The following PLCH1 variants were observed in gnomAD, a reference collection of about 807,000 sequenced individuals.
PLCH1 encodes the protein 1-phosphatidylinositol 4,5-bisphosphate phosphodiesterase eta-1.
In PLCH1, 60 loss-of-function variants were observed where a neutral mutation model predicts 126.7. The observed-to-expected ratio is 0.47, with a 90% CI of 0.38 to 0.59. The LOEUF is 0.59. PLCH1 is among the 20% of genes least tolerant of loss of function. The probability of loss-of-function intolerance (pLI) is 0.00; values close to 1 mark genes in which losing one functional copy is unlikely to be tolerated. For missense variants in PLCH1, 1,723 were observed against 2,040.0 expected, an observed-to-expected ratio of 0.84 and a Z score of 2.99; for synonymous variants, 719 against 734.9, an observed-to-expected ratio of 0.98 and a Z score of 0.35.
chr3:155,603,934 C>T (rs774879468), intron 2 of PLCH1, among the ~76,000 whole-genome samples: 1 of 151,888 alleles, frequency 6.6e-6, no homozygotes, highest in Non-Finnish European at 1.5e-5. Flanking sequence ...CTGGTCTCTA[C>T]AAAAAATTTA....
At chr3:155,526,486 T>A (rs56831389) in intron 10 of PLCH1, among the ~76,000 whole-genome samples, 19,865 of 85,838 alleles carry the variant, frequency 0.23, 1,507 homozygotes, top group Non-Finnish European at 0.27. Context: ...TCTCTCTCTC[T>A]CATACACACA....
At chr3:155,567,154 C>A (rs1395047587) in intron 7 of PLCH1, among the ~76,000 whole-genome samples, 1 of 152,104 alleles carries the variant, frequency 6.6e-6, no homozygotes, top group Non-Finnish European at 1.5e-5. Flanking sequence ...CTCACTGCAA[C>A]CTCCACCTCC....
chr3:155,585,032 G>A (rs1035179944), intron 5 of PLCH1, among the ~76,000 whole-genome samples: 5 of 152,102 alleles, frequency 3.3e-5, no homozygotes, highest in Non-Finnish European at 7.4e-5. Context: ...GCCCTCCAAA[G>A]TCCCTCACTC....
downstream of PLCH1, among the ~76,000 whole-genome samples, chr3:155,477,524 A>G (rs984479160): frequency 1.3e-5 from 2 of 152,200 alleles, no homozygotes; most frequent in African/African-American, 4.8e-5. Flanking sequence ...ACCAGAATAT[A>G]TAAGGAACTC....
chr3:155,663,870 T>G (rs1742447260), intron 2 of PLCH1, among the ~76,000 whole-genome samples: 2 of 152,150 alleles, frequency 1.3e-5, no homozygotes, highest in Non-Finnish European at 2.9e-5. Context: ...TTTGCACCAC[T>G]ATTGTTTAGG....
rs553496292 is a variant in PLCH1, at chr3:155,693,802, C to T, written c.79+10344G>A. ...AAAATTAACCAGGCATGGTGGTGTG[C>T]ACCTGTAATCCCAGCTCCTTGAGAG... is the stretch of plus-strand genomic sequence containing the variant. On this transcript the variant is annotated intron_variant, in intron 2 of 22. Coordinates refer to ENST00000460012, the MANE Select transcript of PLCH1 (RefSeq NM_014996.4). Among the ~76,000 whole-genome samples, 28 of 152,112 alleles carry T rather than the reference C, an allele frequency of 1.8e-4. 1 individual carries two copies. The South Asian group carries it at 5.4e-3, about 29-fold the overall frequency.
At chr3:155,557,696 C>G (rs1366134125) in intron 8 of PLCH1, among the ~76,000 whole-genome samples, 1 of 152,102 alleles carries the variant, frequency 6.6e-6, no homozygotes, top group Non-Finnish European at 1.5e-5. Context: ...GTCCAATTCC[C>G]CTGCTCATAA....
chr3:155,473,411 C>T (rs1204628727), intron 21 of PLCH1, among the ~76,000 whole-genome samples: 1 of 152,168 alleles, frequency 6.6e-6, no homozygotes, highest in Admixed American at 6.5e-5. Context: ...AACTGCTGCT[C>T]AAGGAAATAA....
At chr3:155,529,334 G>A (rs942149891) in intron 10 of PLCH1, among the ~76,000 whole-genome samples, 2 of 151,976 alleles carry the variant, frequency 1.3e-5, no homozygotes, top group South Asian at 4.2e-4. Flanking sequence ...CAGGAACCTT[G>A]AACCACACAG....
intron 11 of PLCH1, 87 bp from the exon 12 acceptor site, chr3:155,514,971 A>ATAAT: frequency 1.2e-6 from 1 of 803,232 alleles, no homozygotes; most frequent in East Asian, 2.8e-5. Context: ...AATTGCTTCT[A>ATAAT]TAATTTCACT....
downstream of PLCH1, among the ~76,000 whole-genome samples, chr3:155,478,643 A>C (rs1467666845): frequency 1.3e-5 from 2 of 152,200 alleles, no homozygotes; most frequent in Non-Finnish European, 2.9e-5. Context: ...TTAAAGGGAA[A>C]GCATCAGCTA....
At chr3:155,486,566 G>A (rs1038710901) in intron 21 of PLCH1, among the ~76,000 whole-genome samples, 31 of 141,134 alleles carry the variant, frequency 2.2e-4, no homozygotes, top group African/African-American at 6.0e-4. Flanking sequence ...CGCCCAGGCC[G>A]GACTGCGGAC....
At chr3:155,699,433 G>T (rs1577338321) in intron 2 of PLCH1, among the ~76,000 whole-genome samples, 1 of 152,162 alleles carries the variant, frequency 6.6e-6, no homozygotes, top group Non-Finnish European at 1.5e-5. Context: ...GCAATAATAG[G>T]AATTCTATGT....
chr3:155,670,095 T>A (rs1743255016), intron 2 of PLCH1, among the ~76,000 whole-genome samples: 1 of 152,230 alleles, frequency 6.6e-6, no homozygotes, highest in Non-Finnish European at 1.5e-5. Context: ...CAAGATTGCT[T>A]GTTTTTTTAA....
intron 21 of PLCH1, among the ~76,000 whole-genome samples, chr3:155,456,042 C>T (rs1415555279): frequency 1.3e-5 from 2 of 152,096 alleles, no homozygotes; most frequent in Admixed American, 1.3e-4. Flanking sequence ...TGTTGTCTGC[C>T]CTGTCGATTG....
chr3:155,619,628 G>C (rs892026391), intron 2 of PLCH1, among the ~76,000 whole-genome samples: 6 of 151,896 alleles, frequency 4.0e-5, no homozygotes, highest in Admixed American at 3.9e-4. Flanking sequence ...ACAGAAAATG[G>C]AAGAAGAGAT....
intron 2 of PLCH1, among the ~76,000 whole-genome samples, chr3:155,643,379 T>G (rs1466179238): frequency 6.6e-6 from 1 of 152,160 alleles, no homozygotes; most frequent in Non-Finnish European, 1.5e-5. Context: ...AACTTGAAAG[T>G]AAGCAGATGG....
chr3:155,454,686 G>A (rs1712393904), intron 21 of PLCH1, among the ~76,000 whole-genome samples: 1 of 152,178 alleles, frequency 6.6e-6, no homozygotes, highest in Non-Finnish European at 1.5e-5. Context: ...GAGTCCTAGT[G>A]TTCAGGTTCC....
intron 10 of PLCH1, among the ~76,000 whole-genome samples, chr3:155,534,474 T>A (rs1358479951): frequency 6.6e-6 from 1 of 152,222 alleles, no homozygotes; most frequent in East Asian, 1.9e-4. Context: ...GCTTTTGATT[T>A]TACAGGCTCC....
Sources: allele counts gnomAD v4.1 joint callset (sites outside exome capture counted in the v4.1 genomes callset), GRCh38; gene constraint gnomAD v4.1.1; transcripts MANE v1.5; gene names NCBI Gene and HGNC (gene_info 2026-07-23, HGNC 2026-07-21).